SEMA5A: variants seen among roughly 807,000 people sequenced by gnomAD.
SEMA5A encodes semaphorin-5A.
Under a neutral mutation model 135.5 loss-of-function variants are expected in SEMA5A, and 55 were observed. The ratio of observed to expected loss-of-function variants is 0.41; its 90% confidence interval spans 0.33 to 0.51. SEMA5A has a LOEUF of 0.51. SEMA5A is among the 20% of genes least tolerant of loss of function. SEMA5A has a pLI of 0.37. For synonymous variants in SEMA5A, 580 were observed against 546.5 expected (o/e 1.06, Z -0.85); for missense variants, 1,290 against 1,419.9 (o/e 0.91, Z 1.47).
At chr5:9,154,045 C>CAA (rs1157417525) in intron 12 of SEMA5A, among the ~76,000 whole-genome samples, 566 of 34,086 alleles carry the variant, frequency 0.017, 23 homozygotes, top group African/African-American at 0.047. Context: ...GACTGTGTCT[C>CAA]AAAAAAAAAA....
rs562853364 is a variant in SEMA5A at position 9,044,283 on chromosome 5, A to G, written c.3105+90T>C. On this transcript the variant is annotated intron_variant, in intron 22 of 22. Coordinates refer to ENST00000382496, the MANE Select transcript of SEMA5A (RefSeq NM_003966.3). ...AGGGAGAAAATTCAGTTTCAAAGGA[A>G]ACCACCACAGCAGAGAAAGGGCATC... 3.2e-5 allele frequency: 36 copies of G among 1,120,462 alleles called. No individual in the cohort carries two copies. The African/African-American group carries it at 4.0e-4, about 12-fold the overall frequency. The allele number at this position is 1,120,462 out of a possible 1,614,324, so 69.4% of individuals were successfully genotyped here. A position where few individuals can be genotyped will look rare whatever the true frequency, so the allele number is the denominator to read the frequency against.
chr5:9,293,636 T>A (rs1468195353), intron 5 of SEMA5A, among the ~76,000 whole-genome samples: 1 of 152,234 alleles, frequency 6.6e-6, no homozygotes, highest in Non-Finnish European at 1.5e-5. Context: ...CCTGTTGCAC[T>A]TGTGTTATTT....
chr5:9,537,010 A>G (rs1000052631), intron 1 of SEMA5A, among the ~76,000 whole-genome samples: 1 of 152,160 alleles, frequency 6.6e-6, no homozygotes, highest in South Asian at 2.1e-4. Context: ...AATCCCATAC[A>G]TCTTAGAGTG....
At chr5:9,172,459 T>A (rs1743978340) in intron 11 of SEMA5A, among the ~76,000 whole-genome samples, 1 of 152,218 alleles carries the variant, frequency 6.6e-6, no homozygotes, top group Non-Finnish European at 1.5e-5. Flanking sequence ...GATCACATCA[T>A]TGAAGGCCTA....
chr5:9,095,624 AATT>A (rs1360279579), intron 16 of SEMA5A, among the ~76,000 whole-genome samples: 3 of 152,242 alleles, frequency 2.0e-5, no homozygotes, highest in East Asian at 1.9e-4. Context: ...TTGCCTCAAA[AATT>A]ATTATGTGTG....
At chr5:9,265,086 G>C (rs1032328970) in intron 5 of SEMA5A, among the ~76,000 whole-genome samples, 2 of 152,164 alleles carry the variant, frequency 1.3e-5, no homozygotes, top group Admixed American at 1.3e-4. Flanking sequence ...TATGTGGATT[G>C]AATGACTGAA....
chr5:9,491,989 T>C (rs1735034334), intron 1 of SEMA5A, among the ~76,000 whole-genome samples: 1 of 152,234 alleles, frequency 6.6e-6, no homozygotes, highest in African/African-American at 2.4e-5. Flanking sequence ...GGATTACAGA[T>C]AGAAGACACA....
At position 9,154,686 on chromosome 5, in the gene SEMA5A, G is replaced by T. The variant is rs369201156; in HGVS notation, c.1283C>A (p.Thr428Asn). Residue 428 changes from threonine (T) to asparagine (N), a missense_variant, in exon 12 of 23, where the codon ACC (threonine) becomes AAC (asparagine). This residue lies in a region of SEMA5A where 1,029 missense variants were observed against 1,086.6 expected (regional missense o/e 0.95). Transcript: ENST00000382496. ...HIIYLATDYG[T>N]IKKVRVPLNQ... ...CAGGGGTACCCGCACTTTCTTAATG[G>T]TTCCGTAATCTATGAAGGTCACAGG... The T allele has an allele frequency of 3.1e-6, 5 of 1,613,834 alleles. No homozygotes were observed. The highest frequency in any genetic ancestry group is 3.4e-6 in the Non-Finnish European group (4 of 1,179,904).
intron 2 of SEMA5A, among the ~76,000 whole-genome samples, chr5:9,393,867 A>C (rs1756273103): frequency 6.6e-6 from 1 of 152,198 alleles, no homozygotes; most frequent in Non-Finnish European, 1.5e-5. Flanking sequence ...AATAGCAAAA[A>C]ATTAGAAATA....
chr5:9,360,008 A>G (rs2126366924), intron 3 of SEMA5A, among the ~76,000 whole-genome samples: 1 of 152,310 alleles, frequency 6.6e-6, no homozygotes, highest in Non-Finnish European at 1.5e-5. Context: ...AGAAATATAG[A>G]CATGGTTTTG....
chr5:9,136,437 A>T, intron 13 of SEMA5A, 67 bp downstream of exon 13: 1 of 1,320,718 alleles, frequency 7.6e-7, no homozygotes, highest in South Asian at 1.2e-5. Flanking sequence ...AGTGTGACTG[A>T]GGATCGCCAG....
chr5:9,303,403 A>G (rs1312105467), intron 5 of SEMA5A, among the ~76,000 whole-genome samples: 1 of 152,178 alleles, frequency 6.6e-6, no homozygotes, highest in African/African-American at 2.4e-5. Context: ...AATATATTTT[A>G]AAAAGAACTT....
intron 10 of SEMA5A, among the ~76,000 whole-genome samples, chr5:9,194,487 T>G (rs774215039): frequency 6.6e-6 from 1 of 152,200 alleles, no homozygotes; most frequent in Non-Finnish European, 1.5e-5. Context: ...ATTGCAAACA[T>G]AAGGCCTCTT....
chr5:9,235,234 C>T (rs543691583), intron 6 of SEMA5A, among the ~76,000 whole-genome samples: 75 of 152,206 alleles, frequency 4.9e-4, no homozygotes, highest in African/African-American at 1.6e-3. Flanking sequence ...AATTTTTAAA[C>T]GTCTTTGTAA....
At chr5:9,455,878 GGTT>G (rs1561267391) in intron 1 of SEMA5A, among the ~76,000 whole-genome samples, 1 of 152,186 alleles carries the variant, frequency 6.6e-6, no homozygotes. Context: ...GCAGAGAAAT[GGTT>G]GTTATTTGAC....
At chr5:9,398,863 A>G (rs148419868) in intron 2 of SEMA5A, among the ~76,000 whole-genome samples, 72 of 152,352 alleles carry the variant, frequency 4.7e-4, no homozygotes, top group African/African-American at 1.4e-3. Flanking sequence ...ACTTGAATTC[A>G]CATGTGTCTG....
intron 11 of SEMA5A, among the ~76,000 whole-genome samples, chr5:9,178,571 C>T (rs62343369): frequency 0.14 from 22,024 of 152,078 alleles, 1,862 homozygotes; most frequent in Admixed American, 0.26. Context: ...ACCTCATGAT[C>T]CGCCTGCCTC....
rs370980340 is a variant in SEMA5A, at chr5:9,154,596, G to A, written c.1373C>T (p.Pro458Leu). The A allele has an allele frequency of 4.3e-6, 7 of 1,613,784 alleles. No homozygotes were observed. The highest frequency in any genetic ancestry group is 5.9e-6 in the Non-Finnish European group (7 of 1,180,012). Residue 458 changes from proline (P) to leucine (L), a missense_variant, in exon 12 of 23, where the codon CCC (proline) becomes CTC (leucine). Pro to Leu is a moderately conservative substitution (Grantham distance 98). This residue lies in a region of SEMA5A where 1,029 missense variants were observed against 1,086.6 expected (regional missense o/e 0.95). Coordinates refer to ENST00000382496, the MANE Select transcript of SEMA5A (RefSeq NM_003966.3). Reference sequence around the variant, plus strand: ...GTGCAGGATCTGCAGGCTCCTGATGGGCTCCCTCCGCCTCTCAGGGAAGAG... The same window carrying A: ...GTGCAGGATCTGCAGGCTCCTGATGAGCTCCCTCCGCCTCTCAGGGAAGAG... ...IELFPERRRE[P>L]IRSLQILHSQ...
intron 5 of SEMA5A, among the ~76,000 whole-genome samples, chr5:9,285,475 A>T (rs11742804): frequency 1.3e-5 from 2 of 151,986 alleles, no homozygotes; most frequent in East Asian, 1.9e-4. Context: ...GAAACTCTTT[A>T]GTCTCTCAAC....
Sources: gnomAD v4.1 joint callset for allele counts (sites outside exome capture counted in the v4.1 genomes callset) on GRCh38, gnomAD v4.1.1 for gene constraint, gnomAD v4.1.1 regional missense constraint, MANE v1.5 for transcripts, NCBI Gene and HGNC (gene_info 2026-07-23, HGNC 2026-07-21) for gene names.